The following TOR1AIP2 variants were observed in gnomAD, a reference collection of about 807,000 sequenced individuals.
The protein encoded by TOR1AIP2 is torsin-1A-interacting protein 2.
A neutral mutation model predicts 32.6 loss-of-function variants in TOR1AIP2; 20 were observed. The ratio of observed to expected loss-of-function variants is 0.61; its 90% CI spans 0.43 to 0.89. The LOEUF is 0.89. Ranked by LOEUF, TOR1AIP2 falls within the 40% of genes least tolerant of loss-of-function variation. TOR1AIP2 has a pLI of 0.00. For missense variants in TOR1AIP2, 456 were observed against 553.8 expected, an observed-to-expected ratio of 0.82 and a Z score of 1.77; for synonymous variants, 214 against 210.8, an observed-to-expected ratio of 1.02 and a Z score of -0.13.
At chr1:179,864,642 C>T (rs1696693337) in intron 3 of TOR1AIP2, 26 of 1,458,990 alleles carry the variant, frequency 1.8e-5, no homozygotes, top group Admixed American at 1.1e-4. Flanking sequence ...GTATAGGCCA[C>T]GGAAGCAGAT....
At chr1:179,858,109 C>G (rs1013461541) in intron 3 of TOR1AIP2, among the ~76,000 whole-genome samples, 3 of 150,974 alleles carry the variant, frequency 2.0e-5, no homozygotes, top group African/African-American at 7.3e-5. Flanking sequence ...GAGCTAAGAT[C>G]ACACCACTGC....
At chr1:179,868,649 A>G (rs1180097983) in intron 2 of TOR1AIP2, 1 of 152,192 alleles carries the variant, frequency 6.6e-6, no homozygotes, top group Non-Finnish European at 1.5e-5. Flanking sequence ...AATGGCCACG[A>G]ACGGGAGAAT....
chr1:179,841,734 T>G lies in TOR1AIP2; in HGVS notation c.*4337A>C, dbSNP rs1216101225. 1 of 152,268 alleles carries G rather than the reference T, an allele frequency of 6.6e-6. No homozygotes were observed. The highest frequency in any genetic ancestry group is 1.5e-5 in the Non-Finnish European group (1 of 68,048). The allele number at this position is 152,268 out of a possible 1,614,324, so 9.4% of individuals were successfully genotyped here. A position where few individuals can be genotyped will look rare whatever the true frequency, so the allele number is the denominator to read the frequency against. On this transcript the variant is annotated 3_prime_UTR_variant, in exon 7 of 7. Coordinates refer to ENST00000609928, the MANE Select transcript of TOR1AIP2 (RefSeq NM_001199260.2). ...TATTATTTTCTATTTAACATTCATT[T>G]TTGAAGTGCCAGAGACCTGCCTATG...
rs1240365115 is a variant in TOR1AIP2 at position 179,847,605 on chromosome 1, T to C, written c.585A>G (p.Lys195=). 6 of 1,613,958 alleles carry C rather than the reference T, an allele frequency of 3.7e-6. No individual in the cohort carries two copies. Among genetic ancestry groups the C allele is most frequent in the Non-Finnish European group, 5.1e-6 (6 of 1,179,954 alleles). Residue 195 remains lysine, a synonymous_variant, in exon 6 of 7, where the codon AAA becomes AAG. Coordinates refer to ENST00000609928, the MANE Select transcript of TOR1AIP2 (RefSeq NM_001199260.2). ...GTGCATTCTCTTTAATTTCTTCCAA[T>C]TTTTGTGTTTGTTGTGGATGACTTC... is the stretch of plus-strand genomic sequence containing the variant. The part of the protein sequence containing the change: ...EAGSHPQQTQ[K]LEEIKENAQD...
At chr1:179,859,735 T>TA (rs1696444305) in intron 3 of TOR1AIP2, 1 of 985,358 alleles carries the variant, frequency 1.0e-6, no homozygotes. Flanking sequence ...CCAGGCCTTT[T>TA]AATCTTTACA....
intron 3 of TOR1AIP2, among the ~76,000 whole-genome samples, chr1:179,856,469 T>C (rs573067982): frequency 6.6e-6 from 1 of 152,242 alleles, no homozygotes; most frequent in Non-Finnish European, 1.5e-5. Context: ...AGACCTTTTG[T>C]AACATATCAT....
chr1:179,859,016 T>C (rs766275439), intron 3 of TOR1AIP2: 19 of 979,442 alleles, frequency 1.9e-5, no homozygotes, highest in Non-Finnish European at 2.3e-5. Context: ...ATGACAAATG[T>C]ATGACAGTTG....
At chr1:179,857,964 G>A (rs563944530) in intron 3 of TOR1AIP2, among the ~76,000 whole-genome samples, 18 of 152,074 alleles carry the variant, frequency 1.2e-4, no homozygotes, top group African/African-American at 4.1e-4. Context: ...GATCAGTCTG[G>A]GCAACATAAT....
Position 179,850,920 on chromosome 1 carries a change from C to T in TOR1AIP2, c.478G>A (p.Glu160Lys). The T allele has an allele frequency of 1.2e-6, 2 of 1,614,168 alleles. No homozygotes were observed. The highest frequency in any genetic ancestry group is 1.7e-6 in the Non-Finnish European group (2 of 1,180,022). The change falls in exon 5 of 7, where the codon GAG becomes AAG. Residue 160 changes from glutamate (E) to lysine (K), a missense_variant. Coordinates refer to ENST00000609928, the MANE Select transcript of TOR1AIP2 (RefSeq NM_001199260.2). ...SQEPPTTDSQEAQSPGHSSAG... is the reference protein window; with the variant it reads ...SQEPPTTDSQKAQSPGHSSAG... ...CTGGAATGACCAGGACTCTGGGCCT[C>T]CTGGGAGTCTGTAGTAGGTGGTTCC...
At chr1:179,857,508 A>G (rs1030869366) in intron 3 of TOR1AIP2, among the ~76,000 whole-genome samples, 2 of 152,008 alleles carry the variant, frequency 1.3e-5, no homozygotes, top group Non-Finnish European at 2.9e-5. Context: ...ATTTGCCTCA[A>G]CTGCTTCCTC....
chr1:179,864,758 G>T, intron 3 of TOR1AIP2: 1 of 1,554,626 alleles, frequency 6.4e-7, no homozygotes, highest in South Asian at 1.3e-5. Flanking sequence ...CTCTAGACTT[G>T]ACAATTTTGA....
In TOR1AIP2 at chr1:179,846,269, T is replaced by C; in HGVS notation, c.1215A>G (p.Leu405=). The part of the protein sequence containing the change: ...VLTVLLEEET[L]EASVGPRETE... ...TTTCCCTTGGGCCTACACTTGCTTC[T>C]AATGTTTCCTCCTCTAGCAGAACAG... Residue 405 remains leucine (L), a synonymous_variant, in exon 7 of 7, where the codon TTA becomes TTG. Transcript: ENST00000609928. The C allele has an allele frequency of 6.2e-7, 1 of 1,614,206 alleles. No individual in the cohort carries two copies. The highest frequency in any genetic ancestry group is 1.1e-5 in the South Asian group (1 of 91,090).
chr1:179,874,032 G>A (rs1012907052), intron 2 of TOR1AIP2: 1 of 152,214 alleles, frequency 6.6e-6, no homozygotes, highest in African/African-American at 2.4e-5. Flanking sequence ...ACCAAGATCT[G>A]AATGCTCAGT....
At position 179,846,543 on chromosome 1, in the gene TOR1AIP2, T is replaced by A. The variant is rs1014169325; in HGVS notation, c.941A>T (p.His314Leu). 7.4e-6 allele frequency: 12 copies of A among 1,614,202 alleles called. No individual in the cohort carries two copies. Among genetic ancestry groups the A allele is most frequent in the Non-Finnish European group, 1.0e-5 (12 of 1,180,028 alleles). The part of the protein sequence containing the change: ...GRETLKCLSH[H>L]VADAYTSSQK... ...GGAAGAGGTGTAGGCATCTGCAACA[T>A]GGTGGCTCAGGCACTTCAGGGTCTC... Residue 314 changes from histidine to leucine, a missense_variant, in exon 7 of 7, where the codon CAT becomes CTT. Transcript: ENST00000609928.
chr1:179,864,213 G>C (rs1295657481), intron 3 of TOR1AIP2: 1 of 985,328 alleles, frequency 1.0e-6, no homozygotes, highest in African/African-American at 1.7e-5. Context: ...GCCACACTGA[G>C]GATGGGCCAA....
chr1:179,860,262 C>T (rs1272063258), intron 3 of TOR1AIP2: 61 of 935,502 alleles, frequency 6.5e-5, no homozygotes, highest in Non-Finnish European at 7.6e-5. Context: ...GTGAGAGGAT[C>T]GCTTGAGGCC....
At chr1:179,867,472 G>A (rs1558026011) in intron 2 of TOR1AIP2, 1 of 152,236 alleles carries the variant, frequency 6.6e-6, no homozygotes, top group East Asian at 1.9e-4. Context: ...CTCTAGTCAT[G>A]GTACAGAGAG....
At chr1:179,862,095 C>A (rs1696557787) in intron 3 of TOR1AIP2, 2 of 985,424 alleles carry the variant, frequency 2.0e-6, no homozygotes, top group African/African-American at 3.5e-5. Context: ...CATTTTTAAA[C>A]AAGCTCTCAC....
intron 3 of TOR1AIP2, chr1:179,860,160 C>A: frequency 2.0e-6 from 2 of 985,332 alleles, no homozygotes; most frequent in Non-Finnish European, 2.4e-6. Flanking sequence ...AATAATTCAG[C>A]CATCAGTTCA....
Sources: allele counts gnomAD v4.1 joint callset (sites outside exome capture counted in the v4.1 genomes callset), GRCh38; gene constraint gnomAD v4.1.1; transcripts MANE v1.5; gene names NCBI Gene and HGNC (gene_info 2026-07-23, HGNC 2026-07-21).